The following SP140L variants were observed in gnomAD, a reference collection of about 807,000 sequenced individuals.
The protein encoded by SP140L is SP140 like nuclear body protein.
In SP140L, 64 loss-of-function variants were observed where a neutral mutation model predicts 84.3. The observed-to-expected ratio is 0.76, with a 90% CI of 0.62 to 0.94. SP140L has a LOEUF of 0.94. Ranked by LOEUF, SP140L falls within the 40% of genes least tolerant of loss-of-function variation. The pLI, the probability that SP140L is intolerant of heterozygous loss-of-function variation, is 0.00. For missense variants in SP140L, 628 were observed against 692.5 expected, an observed-to-expected ratio of 0.91 and a Z score of 1.05; for synonymous variants, 242 against 236.9, an observed-to-expected ratio of 1.02 and a Z score of -0.20.
chr2:230,393,049 C>T (rs998304829), intron 12 of SP140L, among the ~76,000 whole-genome samples: 1 of 152,138 alleles, frequency 6.6e-6, no homozygotes, highest in Non-Finnish European at 1.5e-5. Flanking sequence ...GTGACTGACA[C>T]CCAGTAGCAT....
intron 5 of SP140L, among the ~76,000 whole-genome samples, chr2:230,362,523 G>T (rs1033454578): frequency 6.6e-6 from 1 of 151,226 alleles, no homozygotes; most frequent in Non-Finnish European, 1.5e-5. Flanking sequence ...TAGGTATTGA[G>T]AGAGAGAGAG....
intron 7 of SP140L, among the ~76,000 whole-genome samples, chr2:230,376,475 C>A (rs2894710): frequency 0.23 from 34,972 of 151,830 alleles, 4,260 homozygotes; most frequent in Non-Finnish European, 0.28. Flanking sequence ...GAAAATAATC[C>A]CATTTACAAT....
intron 2 of SP140L, among the ~76,000 whole-genome samples, chr2:230,343,060 GTTTTC>G (rs773715978): frequency 1.3e-5 from 2 of 152,168 alleles, no homozygotes; most frequent in East Asian, 1.9e-4. Flanking sequence ...GGTGTGTTTT[GTTTTC>G]TTTTATTTGT....
At chr2:230,400,776 C>A in intron 15 of SP140L, 179 bp from the exon 16 acceptor site, 1 of 1,412,320 alleles carries the variant, frequency 7.1e-7, no homozygotes, top group South Asian at 1.3e-5. Context: ...ACCACTGATG[C>A]GAGGGAAAGG....
chr2:230,350,856 G>A lies in SP140L; in HGVS notation c.108-6949G>A, dbSNP rs75110406. Among the ~76,000 whole-genome samples the A allele has an allele frequency of 4.1e-3, 623 of 152,280 alleles. 5 individuals carry two copies. The highest frequency in any genetic ancestry group is 4.5e-3 in the Non-Finnish European group (303 of 68,020). Reference sequence around the variant, plus strand: ...AAAGAGACAAGGAAATTAGTTCACTGCATAGATACATATATCTATGCTAGG... The same window carrying A: ...AAAGAGACAAGGAAATTAGTTCACTACATAGATACATATATCTATGCTAGG... On this transcript the variant is annotated intron_variant, in intron 2 of 18. Coordinates refer to ENST00000415673, the MANE Select transcript of SP140L (RefSeq NM_138402.6).
At chr2:230,342,489 GTTCCTA>G (rs2060084815) in intron 2 of SP140L, among the ~76,000 whole-genome samples, 1 of 152,186 alleles carries the variant, frequency 6.6e-6, no homozygotes, top group South Asian at 2.1e-4. Context: ...GACCGGAGCT[GTTCCTA>G]TTCGGCCATC....
chr2:230,364,651 T>G (rs990387666), intron 5 of SP140L, among the ~76,000 whole-genome samples: 18 of 152,120 alleles, frequency 1.2e-4, no homozygotes, highest in African/African-American at 4.3e-4. Flanking sequence ...TGCCTAATTG[T>G]TCTGTCTAGG....
intron 2 of SP140L, among the ~76,000 whole-genome samples, chr2:230,347,726 G>A (rs796854631): frequency 5.9e-5 from 9 of 152,306 alleles, no homozygotes; most frequent in African/African-American, 2.2e-4. Context: ...TCTCTTTGGG[G>A]GTTCCCTGGT....
chr2:230,369,488 A>G (rs2060986909), intron 5 of SP140L, among the ~76,000 whole-genome samples: 1 of 152,246 alleles, frequency 6.6e-6, no homozygotes, highest in Non-Finnish European at 1.5e-5. Flanking sequence ...CATGTGTACC[A>G]GCTGGAGTAT....
At position 230,359,131 on chromosome 2, in the gene SP140L, T is replaced by C. The variant is rs751442873; in HGVS notation, c.438T>C (p.Asn146=). ...DLIHIYKSFK[N]AIQDKLSFQE... is the part of the protein sequence containing the mutation. ...TTCACATTTATAAAAGCTTCAAAAA[T>C]GGTAATTAGGTTTATTATCTACCTT... The change falls in exon 4 of 19, where the codon AAT becomes AAC. Residue 146 remains asparagine, a splice_region_variant and synonymous_variant. Coordinates refer to ENST00000415673, the MANE Select transcript of SP140L (RefSeq NM_138402.6). 3.1e-6 allele frequency: 5 copies of C among 1,604,758 alleles called. No homozygotes were observed. Among genetic ancestry groups the C allele is most frequent in the Non-Finnish European group, 3.4e-6 (4 of 1,177,884 alleles).
At chr2:230,356,489 T>A (rs979686830) in intron 2 of SP140L, among the ~76,000 whole-genome samples, 2 of 152,182 alleles carry the variant, frequency 1.3e-5, no homozygotes, top group African/African-American at 4.8e-5. Context: ...AAAGCATGTA[T>A]ATGTTTTGCT....
chr2:230,361,781 G>A (rs2060725533), intron 5 of SP140L, 84 bp downstream of exon 5: 1 of 1,009,264 alleles, frequency 9.9e-7, no homozygotes, highest in Non-Finnish European at 1.5e-6. Flanking sequence ...GTCCTGAGGG[G>A]AAATTGTGAA....
chr2:230,356,555 G>C (rs1265889349), intron 2 of SP140L, among the ~76,000 whole-genome samples: 1 of 152,210 alleles, frequency 6.6e-6, no homozygotes, highest in Non-Finnish European at 1.5e-5. Context: ...ATAAATGACA[G>C]CAATGGTTGC....
chr2:230,389,455 G>T (rs1170423745), intron 10 of SP140L, among the ~76,000 whole-genome samples: 2 of 152,074 alleles, frequency 1.3e-5, no homozygotes, highest in Non-Finnish European at 2.9e-5. Flanking sequence ...TAGAAGGCAG[G>T]TGCTGTCTCC....
chr2:230,388,456 A>G, intron 9 of SP140L, 103 bp from the exon 10 acceptor site: 1 of 884,696 alleles, frequency 1.1e-6, no homozygotes, highest in Non-Finnish European at 1.7e-6. Context: ...TATATTAAAC[A>G]GGCTTTTGGA....
At chr2:230,352,862 G>A (rs1013055533) in intron 2 of SP140L, among the ~76,000 whole-genome samples, 1 of 144,162 alleles carries the variant, frequency 6.9e-6, no homozygotes, top group African/African-American at 2.6e-5. Context: ...ACACATATAT[G>A]TGTGTATATA....
intron 7 of SP140L, among the ~76,000 whole-genome samples, chr2:230,373,103 C>T (rs2061139281): frequency 6.6e-6 from 1 of 152,212 alleles, no homozygotes; most frequent in Non-Finnish European, 1.5e-5. Flanking sequence ...TAAGAAAAGT[C>T]TGAAGGTAAC....
At chr2:230,363,755 G>A (rs1341463229) in intron 5 of SP140L, among the ~76,000 whole-genome samples, 1 of 152,040 alleles carries the variant, frequency 6.6e-6, no homozygotes, top group South Asian at 2.1e-4. Flanking sequence ...TCAGACCAAT[G>A]TCATGGAGCT....
At chr2:230,400,531 G>A in intron 15 of SP140L, 3 of 478,088 alleles carry the variant, frequency 6.3e-6, no homozygotes, top group Admixed American at 7.2e-5. Context: ...AGGGTCTCCT[G>A]TCCCAGGGGG....
Sources: allele counts gnomAD v4.1 joint callset (sites outside exome capture counted in the v4.1 genomes callset), GRCh38; gene constraint gnomAD v4.1.1; transcripts MANE v1.5; gene names NCBI Gene and HGNC (gene_info 2026-07-23, HGNC 2026-07-21).